Variants in TMEM132A observed in about 807,000 individuals in gnomAD.
TMEM132A encodes the protein GRP78-binding protein.
Under a neutral mutation model 69.9 loss-of-function variants are expected in TMEM132A, and 48 were observed. The ratio of observed to expected loss-of-function variants is 0.69; its 90% confidence interval spans 0.55 to 0.87. The LOEUF is 0.87. Among genes scored for constraint, TMEM132A ranks in the 40% least tolerant of loss-of-function variants. The pLI, the probability that TMEM132A is intolerant of heterozygous loss-of-function variation, is 0.00. For missense variants in TMEM132A, 1,287 were observed against 1,407.2 expected (o/e 0.91, Z 1.37); for synonymous variants, 577 against 613.7 (o/e 0.94, Z 0.88).
At position 60,936,166 on chromosome 11, in the gene TMEM132A, A is replaced by T. The variant is rs769162392; in HGVS notation, c.2331A>T (p.Pro777=). The change falls in exon 11 of 11, where the codon CCA becomes CCT. Residue 777 remains proline, a synonymous_variant. Coordinates refer to ENST00000453848, the MANE Select transcript of TMEM132A (RefSeq NM_178031.3). ...CCTCCACTCCAGCCCCTGCTCTCCC[A>T]TCCAGCCCTGCTTGGAGCCCACCAG... ...PPASTPAPAL[P]SSPAWSPPAT... 15 of 1,613,602 alleles carry T rather than the reference A, an allele frequency of 9.3e-6. No homozygotes were observed. Among genetic ancestry groups the T allele is most frequent in the Non-Finnish European group, 1.3e-5 (15 of 1,179,858 alleles).
rs536311748 is a variant in TMEM132A, at chr11:60,936,984, G to A, written c.*77G>A. On this transcript the variant is annotated 3_prime_UTR_variant, in exon 11 of 11. Coordinates refer to ENST00000453848, the MANE Select transcript of TMEM132A (RefSeq NM_178031.3). ...CCCACTGAGCCTCTCGCCTGCCCCC[G>A]CCACTCGTCTGGTGCTTGTTGATCC... 33 of 1,353,596 alleles carry A rather than the reference G, an allele frequency of 2.4e-5. No individual in the cohort carries two copies. The highest frequency in any genetic ancestry group is 1.5e-4 in the South Asian group (10 of 65,976). 83.8% of individuals were successfully genotyped at this position (1,353,596 alleles called of 1,614,324 possible).
rs780546391 is a variant in TMEM132A, at chr11:60,927,872, G to GC, written c.534+17dup. On this transcript the variant is annotated intron_variant, in intron 3 of 10. Coordinates refer to ENST00000453848, the MANE Select transcript of TMEM132A (RefSeq NM_178031.3). ...CTGCCGCTTCCAGGTGAGTAGACAG[G>GC]CCCCACCTAGGCTGGTCCTGCTGCA... The GC allele has an allele frequency of 6.3e-6, 10 of 1,599,862 alleles. No individual in the cohort carries two copies. In the South Asian group the frequency reaches 1.0e-4, roughly 16 times the overall value.
chr11:60,933,282 A>G (rs1446702726), intron 7 of TMEM132A: 2 of 516,400 alleles, frequency 3.9e-6, no homozygotes, highest in African/African-American at 1.9e-5. Context: ...ACCCAGGCTC[A>G]AGGGATCCTC....
In TMEM132A at chr11:60,936,361, T is replaced by G; in HGVS notation, c.2526T>G (p.His842Gln). 1 of 1,614,146 alleles carries G rather than the reference T, an allele frequency of 6.2e-7. No individual in the cohort carries two copies. The highest frequency in any genetic ancestry group is 1.3e-5 in the African/African-American group (1 of 75,030). The change falls in exon 11 of 11, where the codon CAT (histidine) becomes CAG (glutamine). Residue 842 changes from histidine to glutamine, a missense_variant. By Grantham distance (24) the His-to-Gln change is conservative. Coordinates refer to ENST00000453848, the MANE Select transcript of TMEM132A (RefSeq NM_178031.3). ...AGGAGATGGTCCCTGCCCCTCAGCATGTCACTGAGCTAGAGCTGGGCATGT... is the reference window on the plus strand; with the variant it reads ...AGGAGATGGTCCCTGCCCCTCAGCAGGTCACTGAGCTAGAGCTGGGCATGT... ...EEEEMVPAPQ[H>Q]VTELELGMYA... is the part of the protein sequence containing the mutation.
At chr11:60,928,484 G>A in intron 3 of TMEM132A, 145 bp from the exon 4 acceptor site, 3 of 749,322 alleles carry the variant, frequency 4.0e-6, no homozygotes, top group South Asian at 3.6e-5. Context: ...GGTTTGCTGT[G>A]TCACTCAGGC....
Position 60,935,644 on chromosome 11 carries a change from T to C in TMEM132A, c.2028+201T>C. 1.3e-6 allele frequency: 1 copy of C among 771,716 alleles called. No individual in the cohort carries two copies. The highest frequency in any genetic ancestry group is 2.0e-6 in the Non-Finnish European group (1 of 491,570). 47.8% of individuals were successfully genotyped at this position (771,716 alleles called of 1,614,324 possible). On this transcript the variant is annotated intron_variant, in intron 10 of 10. Transcript: ENST00000453848. The surrounding 1 kb of genome is among the most constrained non-coding windows in gnomAD (Gnocchi z 5.0). ...GTATGGCAGTGGGAGGTTGGTTAGA[T>C]GGCTCTAACTGAGGACCCTCCCAAT...
rs1485226261 is a variant in TMEM132A at position 60,933,691 on chromosome 11, C to T, written c.1506C>T (p.Thr502=). 9 of 1,602,848 alleles carry T rather than the reference C, an allele frequency of 5.6e-6. No individual in the cohort carries two copies. The highest frequency in any genetic ancestry group is 1.3e-5 in the African/African-American group (1 of 74,784). ...APLLPLRIEL[T]DTTLEQVRGW... is the part of the protein sequence containing the mutation. ...TGCTACCGCTGCGTATCGAGCTCAC[C>T]GACACCACCCTCGAGCAGGTCCGCG... Residue 502 remains threonine, a synonymous_variant, in exon 8 of 11, where the codon ACC becomes ACT. Transcript: ENST00000453848.
intron 8 of TMEM132A, chr11:60,934,171 C>T: frequency 2.7e-6 from 1 of 375,306 alleles, no homozygotes; most frequent in Non-Finnish European, 4.7e-6. Context: ...AGGTGGCCCA[C>T]GCCTCTGGAA....
chr11:60,927,203 G>C lies in TMEM132A; in HGVS notation c.101-1G>C. On this transcript the variant is annotated splice_acceptor_variant, in intron 1 of 10. Coordinates refer to ENST00000453848, the MANE Select transcript of TMEM132A (RefSeq NM_178031.3). LOFTEE classifies it high-confidence loss of function. ...CATCTCTCCCTCTTATGCCTCTTCAGTGGACTGTGGCCAGGCTCCCCTGGA... is the reference window on the plus strand; with the variant it reads ...CATCTCTCCCTCTTATGCCTCTTCACTGGACTGTGGCCAGGCTCCCCTGGA... 2 of 1,612,294 alleles carry C rather than the reference G, an allele frequency of 1.2e-6. No individual in the cohort carries two copies. The highest frequency in any genetic ancestry group is 1.7e-6 in the Non-Finnish European group (2 of 1,179,868).
intron 7 of TMEM132A, 46 bp downstream of exon 7, chr11:60,932,173 C>A: frequency 1.3e-6 from 2 of 1,503,482 alleles, no homozygotes; most frequent in Non-Finnish European, 8.9e-7. Flanking sequence ...TTTGTGTGGG[C>A]ACAGTTACGC....
Position 60,935,285 on chromosome 11 carries a change from G to T in TMEM132A, c.1870G>T (p.Glu624Ter). Residue 624 changes from glutamate (E) to a stop codon, truncating the protein, a stop_gained, in exon 10 of 11, where the codon GAG (glutamate) becomes TAG (stop). Coordinates refer to ENST00000453848, the MANE Select transcript of TMEM132A (RefSeq NM_178031.3). LOFTEE classifies it high-confidence loss of function. This position sits in a 1 kb window ranked among gnomAD's most constrained non-coding sequence, Gnocchi z 5.0. ...CCCACTGTCTGACTCCATCCTGGGG[G>T]AGCAGGCGCTGGCTGTGACGGACGA... Reference protein sequence around the residue: ...RSPLSDSILGEQALAVTDDKV... With the variant: ...RSPLSDSILG 1.2e-6 allele frequency: 2 copies of T among 1,612,342 alleles called. No homozygotes were observed. Among genetic ancestry groups the T allele is most frequent in the Non-Finnish European group, 1.7e-6 (2 of 1,179,630 alleles).
intron 4 of TMEM132A, among the ~76,000 whole-genome samples, chr11:60,930,174 G>A (rs1856444987): frequency 1.3e-5 from 2 of 152,232 alleles, no homozygotes; most frequent in Non-Finnish European, 2.9e-5. Context: ...TGGGTGCCGT[G>A]TGTGTGGGAA....
Position 60,935,210 on chromosome 11 carries a change from T to A in TMEM132A, c.1837-42T>A. 1 of 1,547,062 alleles carries A rather than the reference T, an allele frequency of 6.5e-7. No individual in the cohort carries two copies. The highest frequency in any genetic ancestry group is 8.8e-7 in the Non-Finnish European group (1 of 1,139,098). On this transcript the variant is annotated intron_variant, in intron 9 of 10. Coordinates refer to ENST00000453848, the MANE Select transcript of TMEM132A (RefSeq NM_178031.3). The surrounding 1 kb of genome is among the most constrained non-coding windows in gnomAD (Gnocchi z 5.0). Reference sequence around the variant, plus strand: ...CGGTTCCCTCTGGGTGGGGGCTGTCTGTATGGAAGGCCCCCCACCTCCAGC... The same window carrying A: ...CGGTTCCCTCTGGGTGGGGGCTGTCAGTATGGAAGGCCCCCCACCTCCAGC...
Position 60,935,176 on chromosome 11 carries a change from G to A in TMEM132A, c.1837-76G>A. On this transcript the variant is annotated intron_variant, in intron 9 of 10. Coordinates refer to ENST00000453848, the MANE Select transcript of TMEM132A (RefSeq NM_178031.3). This position sits in a 1 kb window ranked among gnomAD's most constrained non-coding sequence, Gnocchi z 5.0. ...CCGGAGGGCAGCCCGTGAGGGTGCT[G>A]GGAGCACCCGGTTCCCTCTGGGTGG... 1 of 1,405,188 alleles carries A rather than the reference G, an allele frequency of 7.1e-7. No individual in the cohort carries two copies. Among genetic ancestry groups the A allele is most frequent in the East Asian group, 2.5e-5 (1 of 40,150 alleles). 87.0% of individuals were successfully genotyped at this position (1,405,188 alleles called of 1,614,324 possible).
rs1340153695 is a variant in TMEM132A at position 60,935,707 on chromosome 11, G to C, written c.2029-157G>C. The C allele has an allele frequency of 2.0e-5, 19 of 931,736 alleles. No homozygotes were observed. In the East Asian group the frequency reaches 3.8e-4, roughly 18 times the overall value. 57.7% of individuals were successfully genotyped at this position (931,736 alleles called of 1,614,324 possible). On this transcript the variant is annotated intron_variant, in intron 10 of 10. Transcript: ENST00000453848. The surrounding 1 kb of genome is among the most constrained non-coding windows in gnomAD (Gnocchi z 5.0). ...AGGGCTGAGTGGCAGACAGGTGATT[G>C]ACACGCGTCCCCTCTCTCCCTGTGT...
intron 1 of TMEM132A, chr11:60,926,170 C>CAGAGG (rs1415767084): frequency 6.6e-6 from 1 of 152,430 alleles, no homozygotes; most frequent in Non-Finnish European, 1.5e-5. Context: ...CCGGGCAGAG[C>CAGAGG]AGAGGAGAGG....
chr11:60,929,755 G>A (rs763171653), intron 4 of TMEM132A, among the ~76,000 whole-genome samples: 14 of 152,158 alleles, frequency 9.2e-5, no homozygotes, highest in African/African-American at 1.4e-4. Context: ...TGCATGTCCC[G>A]TCTCTGTGTC....
Position 60,932,115 on chromosome 11 carries a change from A to G in TMEM132A, c.1344A>G (p.Thr448=). 6.5e-7 allele frequency: 1 copy of G among 1,542,416 alleles called. No individual in the cohort carries two copies. The highest frequency in any genetic ancestry group is 8.7e-7 in the Non-Finnish European group (1 of 1,148,070). Residue 448 remains threonine, a synonymous_variant, in exon 7 of 11, where the codon ACA becomes ACG. Coordinates refer to ENST00000453848, the MANE Select transcript of TMEM132A (RefSeq NM_178031.3). ...TEHVGCESAN[T]QVLQVSEACD... ...ATGTCGGCTGCGAGTCTGCCAACAC[A>G]CAGGTCCTGCAGGTGAGTGGCAGGT...
rs1284353356 is a variant in TMEM132A, at chr11:60,935,870, G to A, written c.2035G>A (p.Ala679Thr). 3 of 1,611,544 alleles carry A rather than the reference G, an allele frequency of 1.9e-6. No homozygotes were observed. Among genetic ancestry groups the A allele is most frequent in the African/African-American group, 1.3e-5 (1 of 74,814 alleles). The change falls in exon 11 of 11, where the codon GCC (alanine) becomes ACC (threonine). Residue 679 changes from alanine (A) to threonine (T), a missense_variant. Coordinates refer to ENST00000453848, the MANE Select transcript of TMEM132A (RefSeq NM_178031.3). The surrounding 1 kb of genome is among the most constrained non-coding windows in gnomAD (Gnocchi z 5.0). ...GTGTCTGTGTGCCCCACAGGAGGTG[G>A]CCCTCTCCCTATGGCTGTCCTTCTC... ...SALPAPKQEV[A>T]LSLWLSFSDH...
Sources: allele counts gnomAD v4.1 joint callset (sites outside exome capture counted in the v4.1 genomes callset), GRCh38; gene constraint gnomAD v4.1.1; non-coding constraint Gnocchi (gnomAD v3.1); transcripts MANE v1.5; gene names NCBI Gene and HGNC (gene_info 2026-07-23, HGNC 2026-07-21).